The following B3GLCT variants were observed in gnomAD, a reference collection of about 807,000 sequenced individuals.
B3GLCT encodes the protein beta 3-glucosyltransferase, also known as beta-1,3-glucosyltransferase.
Under a neutral mutation model 63.4 loss-of-function variants are expected in B3GLCT, and 65 were observed. That is an observed-to-expected ratio of 1.03 (90% CI 0.84 to 1.26). B3GLCT has a LOEUF of 1.26. Among genes scored for constraint, B3GLCT ranks in the 50% most tolerant of loss-of-function variants. B3GLCT has a pLI of 0.00. For missense variants in B3GLCT, 577 were observed against 604.8 expected (o/e 0.95, Z 0.48); for synonymous variants, 233 against 219.2 (o/e 1.06, Z -0.55).
At chr13:31,258,980 A>G (rs1015689916) in intron 6 of B3GLCT, among the ~76,000 whole-genome samples, 4 of 149,918 alleles carry the variant, frequency 2.7e-5, no homozygotes, top group Admixed American at 1.3e-4. Context: ...TTTTTTTCTT[A>G]TATCAGTCTG....
Position 31,329,487 on chromosome 13 carries a change from T to TA in B3GLCT, c.1330-13dup, listed in dbSNP as rs758664361. ...CAATCAACAAGGAAGCCTAACTCTC[T>TA]ATTTTTCCTGCAGGCTCGGCCGGTG... On this transcript the variant is annotated splice_polypyrimidine_tract_variant and intron_variant, in intron 14 of 14. Coordinates refer to ENST00000343307, the MANE Select transcript of B3GLCT (RefSeq NM_194318.4). 6.2e-7 allele frequency: 1 copy of TA among 1,614,174 alleles called. No homozygotes were observed. The highest frequency in any genetic ancestry group is 8.5e-7 in the Non-Finnish European group (1 of 1,179,994).
chr13:31,329,576 G>A lies in B3GLCT; in HGVS notation c.1405G>A (p.Asp469Asn), dbSNP rs141036237. The part of the protein sequence containing the change: ...PISFHKHWNI[D>N]PVKVYFTWLA... ...ATCGTTCCACAAACACTGGAACATC[G>A]ATCCAGTGAAGGTGTATTTCACATG... The change falls in exon 15 of 15, where the codon GAT (aspartate) becomes AAT (asparagine). Residue 469 changes from aspartate (D) to asparagine (N), a missense_variant. By Grantham distance (23) the Asp-to-Asn change is conservative. Transcript: ENST00000343307. The A allele has an allele frequency of 1.7e-5, 27 of 1,613,946 alleles. No homozygotes were observed. The highest frequency in any genetic ancestry group is 1.7e-4 in the Admixed American group (10 of 59,988).
At chr13:31,227,928 A>G (rs1870182220) in intron 3 of B3GLCT, among the ~76,000 whole-genome samples, 1 of 152,234 alleles carries the variant, frequency 6.6e-6, no homozygotes, top group Non-Finnish European at 1.5e-5. Context: ...GTCTGGTGGC[A>G]GGGTGCTGAC....
At chr13:31,291,153 A>G (rs1873636677) in intron 12 of B3GLCT, among the ~76,000 whole-genome samples, 1 of 152,158 alleles carries the variant, frequency 6.6e-6, no homozygotes, top group Non-Finnish European at 1.5e-5. Flanking sequence ...TGATGGTTGT[A>G]GATGTGTGGC....
intron 6 of B3GLCT, among the ~76,000 whole-genome samples, chr13:31,254,431 A>C (rs1345171042): frequency 6.6e-6 from 1 of 152,228 alleles, no homozygotes; most frequent in African/African-American, 2.4e-5. Context: ...ATCTCAATAG[A>C]TGCAGAAAAG....
rs1055414530 is a variant in B3GLCT at position 31,224,693 on chromosome 13, A to G, written c.160+1702A>G. Among the ~76,000 whole-genome samples the G allele has an allele frequency of 3.3e-5, 5 of 152,136 alleles. No individual in the cohort carries two copies. In the South Asian group the frequency reaches 1.0e-3, roughly 32 times the overall value. On this transcript the variant is annotated intron_variant, in intron 3 of 14. Coordinates refer to ENST00000343307, the MANE Select transcript of B3GLCT (RefSeq NM_194318.4). Reference sequence around the variant, plus strand: ...TAGTATATGATTATTCTCACCAAGTAAACATAATTGGAGTGGCCCGCTTTG... The same window carrying G: ...TAGTATATGATTATTCTCACCAAGTGAACATAATTGGAGTGGCCCGCTTTG...
At chr13:31,252,023 C>T (rs1871452472) in intron 6 of B3GLCT, among the ~76,000 whole-genome samples, 1 of 152,190 alleles carries the variant, frequency 6.6e-6, no homozygotes, top group Non-Finnish European at 1.5e-5. Flanking sequence ...GATCTCTCAG[C>T]AGAAACCCTA....
At chr13:31,310,337 A>G (rs1300672685) in intron 12 of B3GLCT, among the ~76,000 whole-genome samples, 2 of 152,160 alleles carry the variant, frequency 1.3e-5, no homozygotes, top group Non-Finnish European at 2.9e-5. Context: ...CTCACTCTCC[A>G]GTGTCTGTGT....
chr13:31,261,207 G>A, intron 7 of B3GLCT, 125 bp downstream of exon 7: 2 of 1,128,560 alleles, frequency 1.8e-6, no homozygotes, highest in Non-Finnish European at 2.5e-6. Flanking sequence ...GCAGTGTGTG[G>A]TAAGATCTGG....
chr13:31,299,872 G>A (rs940370014), intron 12 of B3GLCT, among the ~76,000 whole-genome samples: 1 of 152,102 alleles, frequency 6.6e-6, no homozygotes, highest in African/African-American at 2.4e-5. Flanking sequence ...CCTTTTAATA[G>A]GCCAAGTATC....
intron 12 of B3GLCT, among the ~76,000 whole-genome samples, chr13:31,298,120 G>T (rs537284347): frequency 6.6e-6 from 1 of 152,286 alleles, no homozygotes; most frequent in South Asian, 2.1e-4. Context: ...CTCTAATCAT[G>T]CCTTTGCCTT....
intron 13 of B3GLCT, among the ~76,000 whole-genome samples, chr13:31,320,072 T>C (rs977763176): frequency 2.0e-5 from 3 of 152,150 alleles, no homozygotes; most frequent in African/African-American, 7.2e-5. Context: ...TGCCACAGCC[T>C]CCTGTTCCCC....
chr13:31,223,290 C>T (rs1869915492), intron 3 of B3GLCT, among the ~76,000 whole-genome samples: 1 of 152,142 alleles, frequency 6.6e-6, no homozygotes, highest in African/African-American at 2.4e-5. Context: ...CTGGTGGGCT[C>T]TCTGGGGGAA....
chr13:31,262,580 T>C (rs987158420), intron 7 of B3GLCT, among the ~76,000 whole-genome samples: 1 of 140,364 alleles, frequency 7.1e-6, no homozygotes, highest in Admixed American at 7.0e-5. Flanking sequence ...GGGTCGTGTT[T>C]CTTCTCAAAT....
At chr13:31,237,456 C>T (rs1415895330) in intron 4 of B3GLCT, among the ~76,000 whole-genome samples, 1 of 149,524 alleles carries the variant, frequency 6.7e-6, no homozygotes, top group Non-Finnish European at 1.5e-5. Context: ...TGGGTTCAAG[C>T]GATTCTCCTG....
chr13:31,283,237 G>T (rs1251448631), intron 10 of B3GLCT: 1 of 152,176 alleles, frequency 6.6e-6, no homozygotes, highest in Non-Finnish European at 1.5e-5. Flanking sequence ...CCAGCATTAT[G>T]CAATGGAGGA....
At chr13:31,298,980 A>C (rs1427145255) in intron 12 of B3GLCT, among the ~76,000 whole-genome samples, 1 of 152,252 alleles carries the variant, frequency 6.6e-6, no homozygotes, top group Non-Finnish European at 1.5e-5. Context: ...TCCTAGGGCC[A>C]CTACGTCAAG....
intron 6 of B3GLCT, among the ~76,000 whole-genome samples, chr13:31,254,776 G>T (rs976372022): frequency 1.3e-5 from 2 of 152,100 alleles, no homozygotes; most frequent in African/African-American, 4.8e-5. Context: ...TAGTGGCCAG[G>T]TGCAGGGACT....
At position 31,246,037 on chromosome 13, in the gene B3GLCT, A is replaced by G. The variant is rs540815642; in HGVS notation, c.271-986A>G. Reference sequence around the variant, plus strand: ...ATTTAATTCCAAAGATTTACATTAAAGACTATTCTCTTCTTAAATAATAAA... The same window carrying G: ...ATTTAATTCCAAAGATTTACATTAAGGACTATTCTCTTCTTAAATAATAAA... On this transcript the variant is annotated intron_variant, in intron 4 of 14. Coordinates refer to ENST00000343307, the MANE Select transcript of B3GLCT (RefSeq NM_194318.4). Among the ~76,000 whole-genome samples the G allele has an allele frequency of 2.6e-5, 4 of 152,348 alleles. No homozygotes were observed. The South Asian group carries it at 8.3e-4, about 32-fold the overall frequency.
Sources: allele counts gnomAD v4.1 joint callset (sites outside exome capture counted in the v4.1 genomes callset), GRCh38; gene constraint gnomAD v4.1.1; transcripts MANE v1.5; gene names NCBI Gene and HGNC (gene_info 2026-07-23, HGNC 2026-07-21).